Variants in ARHGEF7 observed in about 807,000 individuals in gnomAD.
ARHGEF7 encodes the protein PAK-interacting exchange factor beta.
A neutral mutation model predicts 109.8 loss-of-function variants in ARHGEF7; 33 were observed. The ratio of observed to expected loss-of-function variants is 0.30; its 90% CI spans 0.23 to 0.40. The LOEUF (loss-of-function observed/expected upper bound fraction) is 0.40, where lower values mean the gene tolerates loss of function less well. Ranked by LOEUF, ARHGEF7 falls within the 10% of genes least tolerant of loss-of-function variation. ARHGEF7 has a pLI of 1.00. For missense variants in ARHGEF7, 938 were observed against 1,098.5 expected (o/e 0.85, Z 2.07); for synonymous variants, 458 against 424.6 (o/e 1.08, Z -0.97).
At chr13:111,302,938 G>C (rs962545237) in intron 21 of ARHGEF7, 53 bp from the exon 22 acceptor site, 7 of 1,604,928 alleles carry the variant, frequency 4.4e-6, no homozygotes, top group Non-Finnish European at 6.0e-6. Flanking sequence ...GGGAAAGGAA[G>C]CCCTACGCGA....
intron 9 of ARHGEF7, among the ~76,000 whole-genome samples, chr13:111,270,112 C>T (rs957355250): frequency 6.6e-6 from 1 of 152,252 alleles, no homozygotes; most frequent in Non-Finnish European, 1.5e-5. Flanking sequence ...ACCGTTTTAG[C>T]AGCTCAGACC....
intron 1 of ARHGEF7, among the ~76,000 whole-genome samples, chr13:111,152,908 T>G (rs1388423620): frequency 6.6e-6 from 1 of 152,274 alleles, no homozygotes. Flanking sequence ...ACACCTTACA[T>G]GTGTTGCTGG....
At chr13:111,194,557 A>G (rs775992612) in intron 2 of ARHGEF7, among the ~76,000 whole-genome samples, 6 of 152,230 alleles carry the variant, frequency 3.9e-5, no homozygotes, top group South Asian at 2.1e-4. Flanking sequence ...TTGACCTGCT[A>G]TAGGCAAAGC....
intron 8 of ARHGEF7, among the ~76,000 whole-genome samples, chr13:111,262,418 G>T (rs951887395): frequency 7.9e-5 from 12 of 152,250 alleles, no homozygotes; most frequent in South Asian, 2.1e-4. Context: ...GTGTGCATGT[G>T]TGTGTGTGTG....
intron 1 of ARHGEF7, among the ~76,000 whole-genome samples, chr13:111,153,323 T>C (rs1181727467): frequency 6.6e-6 from 1 of 152,020 alleles, no homozygotes; most frequent in African/African-American, 2.4e-5. Flanking sequence ...CGGCGGTGTC[T>C]GCGCTAGGGG....
chr13:111,143,694 C>T (rs1453410100), intron 1 of ARHGEF7: 1 of 152,234 alleles, frequency 6.6e-6, no homozygotes, highest in Non-Finnish European at 1.5e-5. Flanking sequence ...TACCCAGATT[C>T]TTCAAGGGCA....
At chr13:111,132,842 A>C (rs1937284319) in intron 1 of ARHGEF7, among the ~76,000 whole-genome samples, 2 of 151,306 alleles carry the variant, frequency 1.3e-5, no homozygotes, top group African/African-American at 4.9e-5. Flanking sequence ...TTTTTTTTAG[A>C]GGAAGGTGGG....
intron 21 of ARHGEF7, among the ~76,000 whole-genome samples, 174 bp from the exon 22 acceptor site, chr13:111,302,817 C>T (rs114463307): frequency 0.014 from 2,141 of 152,326 alleles, 54 homozygotes; most frequent in African/African-American, 0.048. Flanking sequence ...GCACCGCTGC[C>T]ACCCTGTCCA....
intron 1 of ARHGEF7, among the ~76,000 whole-genome samples, chr13:111,138,511 G>A (rs962862262): frequency 1.3e-5 from 2 of 152,094 alleles, no homozygotes; most frequent in Admixed American, 1.3e-4. Context: ...ACAGCTGGGC[G>A]AACGGCTGCT....
chr13:111,227,672 G>T (rs1039924214), intron 5 of ARHGEF7, among the ~76,000 whole-genome samples: 1 of 152,202 alleles, frequency 6.6e-6, no homozygotes, highest in African/African-American at 2.4e-5. Context: ...GGGTCTCCCT[G>T]TGTACCCCGT....
At chr13:111,161,493 T>C (rs1210493549) in intron 2 of ARHGEF7, among the ~76,000 whole-genome samples, 4 of 152,200 alleles carry the variant, frequency 2.6e-5, no homozygotes, top group Non-Finnish European at 5.9e-5. Flanking sequence ...ATTACATAAA[T>C]TCATGCAAAA....
chr13:111,146,272 A>G (rs1220301148), intron 1 of ARHGEF7, among the ~76,000 whole-genome samples: 1 of 152,240 alleles, frequency 6.6e-6, no homozygotes, highest in African/African-American at 2.4e-5. Flanking sequence ...TTCTCTAAGT[A>G]TGGTCCTGAT....
intron 1 of ARHGEF7, among the ~76,000 whole-genome samples, chr13:111,152,704 G>C (rs975105595): frequency 6.6e-6 from 1 of 152,350 alleles, no homozygotes; most frequent in Admixed American, 6.5e-5. Context: ...TAGAGTTCTA[G>C]ATGACGCATT....
intron 2 of ARHGEF7, among the ~76,000 whole-genome samples, chr13:111,197,783 C>T (rs1345699544): frequency 4.6e-5 from 7 of 152,166 alleles, no homozygotes; most frequent in East Asian, 3.9e-4. Flanking sequence ...TTCTGATTGG[C>T]GGGCCCGGGT....
intron 2 of ARHGEF7, among the ~76,000 whole-genome samples, chr13:111,194,034 A>G (rs549731946): frequency 6.6e-6 from 1 of 152,320 alleles, no homozygotes; most frequent in South Asian, 2.1e-4. Flanking sequence ...TAGTCCAGAC[A>G]GTGAGATCCT....
At chr13:111,141,050 T>C (rs2075321389) in intron 1 of ARHGEF7, among the ~76,000 whole-genome samples, 1 of 152,124 alleles carries the variant, frequency 6.6e-6, no homozygotes, top group Admixed American at 6.6e-5. Flanking sequence ...AAGTACTGAG[T>C]TCCTATACAC....
At chr13:111,153,739 C>T in intron 1 of ARHGEF7, 166 bp from the exon 2 acceptor site, 1 of 1,338,550 alleles carries the variant, frequency 7.5e-7, no homozygotes, top group Non-Finnish European at 9.5e-7. Flanking sequence ...GAAGCAGCGG[C>T]TGAGCGGGTT....
chr13:111,256,893 C>G (rs1309466465), intron 8 of ARHGEF7, among the ~76,000 whole-genome samples: 3 of 152,246 alleles, frequency 2.0e-5, no homozygotes, highest in African/African-American at 7.2e-5. Context: ...TGAAATGGTT[C>G]ATCCCAGAAA....
chr13:111,160,572 G>T (rs968676076), intron 2 of ARHGEF7, among the ~76,000 whole-genome samples: 10 of 152,248 alleles, frequency 6.6e-5, no homozygotes, highest in African/African-American at 1.7e-4. Flanking sequence ...AGACCCAGGA[G>T]ATTATGGGGA....
Sources: gnomAD v4.1 joint callset for allele counts (sites outside exome capture counted in the v4.1 genomes callset) on GRCh38, gnomAD v4.1.1 for gene constraint, MANE v1.5 for transcripts, NCBI Gene and HGNC (gene_info 2026-07-23, HGNC 2026-07-21) for gene names.